The following DPYSL2 variants were observed in gnomAD, a reference collection of about 807,000 sequenced individuals.
DPYSL2 encodes dihydropyrimidinase-related protein 2.
Under a neutral mutation model 69.9 loss-of-function variants are expected in DPYSL2, and 13 were observed. That is an observed-to-expected ratio of 0.19 (90% CI 0.12 to 0.30). The LOEUF is 0.30. DPYSL2 is among the 10% of genes least tolerant of loss of function. The probability of loss-of-function intolerance (pLI) is 1.00; values close to 1 mark genes in which losing one functional copy is unlikely to be tolerated. For missense variants in DPYSL2, 587 were observed against 918.9 expected, an observed-to-expected ratio of 0.64 and a Z score of 4.67; for synonymous variants, 326 against 359.1, an observed-to-expected ratio of 0.91 and a Z score of 1.04.
At chr8:26,546,921 C>CAAAAAAAAAAAAAAAAAAAAAAAAAAAAA (rs61360009) in intron 1 of DPYSL2, among the ~76,000 whole-genome samples, 1 of 46,206 alleles carries the variant, frequency 2.2e-5, no homozygotes, top group African/African-American at 1.1e-4. Context: ...GACTCAGTCT[C>CAAAAAAAAAAAAAAAAAAAAAAAAAAAAA]AAAAAAAAAA....
rs550254908 is a variant in DPYSL2 at position 26,617,498 on chromosome 8, A to G, written c.629-6645A>G. ...TGCCAGAGCGAGACGCCTTCTCAAC[A>G]AAAGAAAAAGGATAAAAGAAAAAAA... is the stretch of plus-strand genomic sequence containing the variant. On this transcript the variant is annotated intron_variant, in intron 3 of 13. Transcript: ENST00000521913. This position sits in a 1 kb window ranked among gnomAD's most constrained non-coding sequence, Gnocchi z 4.7. Among the ~76,000 whole-genome samples, 3 of 152,348 alleles carry G rather than the reference A, an allele frequency of 2.0e-5. No individual in the cohort carries two copies. The highest frequency in any genetic ancestry group is 7.2e-5 in the African/African-American group (3 of 41,566).
chr8:26,655,998 C>T lies in DPYSL2; in HGVS notation c.*292C>T. ...CCCAACACTTAGACATGCGAACAAG[C>T]AGCCCCCAGCGAGGGTCTCCTTCGC... On this transcript the variant is annotated 3_prime_UTR_variant, in exon 14 of 14. Transcript: ENST00000521913. 1 of 297,504 alleles carries T rather than the reference C, an allele frequency of 3.4e-6. No individual in the cohort carries two copies. The allele number at this position is 297,504 out of a possible 1,614,324, so 18.4% of individuals were successfully genotyped here. A position where few individuals can be genotyped will look rare whatever the true frequency, so the allele number is the denominator to read the frequency against.
intron 7 of DPYSL2, among the ~76,000 whole-genome samples, chr8:26,632,854 A>C (rs1802810848): frequency 6.6e-6 from 1 of 152,190 alleles, no homozygotes; most frequent in South Asian, 2.1e-4. Flanking sequence ...AGGAATGAAA[A>C]ACATTTGGGT....
chr8:26,554,611 T>C (rs574306347), intron 1 of DPYSL2, among the ~76,000 whole-genome samples: 1 of 152,304 alleles, frequency 6.6e-6, no homozygotes, highest in South Asian at 2.1e-4. Context: ...TCCAGAATGG[T>C]GTTGTATAGG....
chr8:26,642,226 G>A lies in DPYSL2; in HGVS notation c.1127-1213G>A, dbSNP rs932234527. Among the ~76,000 whole-genome samples the A allele has an allele frequency of 6.6e-6, 1 of 152,208 alleles. No individual in the cohort carries two copies. The highest frequency in any genetic ancestry group is 1.5e-5 in the Non-Finnish European group (1 of 68,030). ...CAGGCAGGTAAATGATCTTCAAGGT[G>A]TCTCCATCAGGTGGAAAGTCAAAAA... On this transcript the variant is annotated intron_variant, in intron 8 of 13. Coordinates refer to ENST00000521913, the MANE Select transcript of DPYSL2 (RefSeq NM_001197293.3). The surrounding 1 kb of genome is among the most constrained non-coding windows in gnomAD (Gnocchi z 5.3).
rs1268576504 is a variant in DPYSL2 at position 26,650,798 on chromosome 8, C to G, written c.1597-1459C>G. On this transcript the variant is annotated intron_variant, in intron 11 of 13. Coordinates refer to ENST00000521913, the MANE Select transcript of DPYSL2 (RefSeq NM_001197293.3). The surrounding 1 kb of genome is among the most constrained non-coding windows in gnomAD (Gnocchi z 5.3). ...ATTGGTTGCCAAGAGGGAAAAATGT[C>G]TCCCCCAAGAATTGGAACTGGAAGT... Among the ~76,000 whole-genome samples the G allele has an allele frequency of 1.3e-5, 2 of 152,168 alleles. No individual in the cohort carries two copies. Among genetic ancestry groups the G allele is most frequent in the Non-Finnish European group, 2.9e-5 (2 of 68,032 alleles).
At position 26,598,684 on chromosome 8, in the gene DPYSL2, G is replaced by C. The variant is rs1184925723; in HGVS notation, c.628+14701G>C. On this transcript the variant is annotated intron_variant, in intron 3 of 13. Transcript: ENST00000521913. This position sits in a 1 kb window ranked among gnomAD's most constrained non-coding sequence, Gnocchi z 4.2. ...ACTTTGAAATAAAGATTGGCTCGCA[G>C]GGCAGGTTGAAGCTTCAACACCAAA... Among the ~76,000 whole-genome samples, 3 of 152,200 alleles carry C rather than the reference G, an allele frequency of 2.0e-5. No individual in the cohort carries two copies. The highest frequency in any genetic ancestry group is 4.1e-4 in the South Asian group (2 of 4,834).
intron 3 of DPYSL2, among the ~76,000 whole-genome samples, chr8:26,594,497 T>A (rs1409642084): frequency 6.6e-6 from 1 of 152,208 alleles, no homozygotes; most frequent in Non-Finnish European, 1.5e-5. Flanking sequence ...ATCTAATCTA[T>A]CTATATATTG....
Position 26,655,762 on chromosome 8 carries a change from C to A in DPYSL2, c.*56C>A. 6 of 1,267,174 alleles carry A rather than the reference C, an allele frequency of 4.7e-6. No homozygotes were observed. Among genetic ancestry groups the A allele is most frequent in the Non-Finnish European group, 6.5e-6 (6 of 928,822 alleles). The allele number at this position is 1,267,174 out of a possible 1,614,324, so 78.5% of individuals were successfully genotyped here. A position where few individuals can be genotyped will look rare whatever the true frequency, so the allele number is the denominator to read the frequency against. On this transcript the variant is annotated 3_prime_UTR_variant, in exon 14 of 14. Coordinates refer to ENST00000521913, the MANE Select transcript of DPYSL2 (RefSeq NM_001197293.3). ...TGGGGATGGGACACCTGAGGACATTCTGAGACTTCTTTCTTCCTTCCTTTT... is the reference window on the plus strand; with the variant it reads ...TGGGGATGGGACACCTGAGGACATTATGAGACTTCTTTCTTCCTTCCTTTT...
chr8:26,578,050 A>T, intron 1 of DPYSL2: 1 of 1,426,110 alleles, frequency 7.0e-7, no homozygotes, highest in Non-Finnish European at 9.1e-7. Context: ...GCTGTGTTGG[A>T]GGAGAGGAAG....
At chr8:26,603,505 A>C (rs1231992898) in intron 3 of DPYSL2, among the ~76,000 whole-genome samples, 8 of 152,218 alleles carry the variant, frequency 5.3e-5, no homozygotes, top group Admixed American at 4.6e-4. Flanking sequence ...AGCATACATA[A>C]CACAAATTTT....
intron 3 of DPYSL2, among the ~76,000 whole-genome samples, chr8:26,589,143 C>T (rs927329148): frequency 3.3e-5 from 5 of 152,234 alleles, no homozygotes; most frequent in African/African-American, 1.2e-4. Flanking sequence ...CCTATTCCTG[C>T]TGCCCCAGCC....
rs1421592613 is a variant in DPYSL2 at position 26,647,595 on chromosome 8, G to T, written c.1426-35G>T. 6.4e-7 allele frequency: 1 copy of T among 1,568,610 alleles called. No homozygotes were observed. The highest frequency in any genetic ancestry group is 2.0e-5 in the Admixed American group (1 of 51,114). The stretch of plus-strand genomic sequence containing the variant: ...TAACTTTTTAACTCGTTTCTGCTGT[G>T]TGCCTCCTGTGCACACCTATGCTGT... On this transcript the variant is annotated intron_variant, in intron 10 of 13. Coordinates refer to ENST00000521913, the MANE Select transcript of DPYSL2 (RefSeq NM_001197293.3). This position sits in a 1 kb window ranked among gnomAD's most constrained non-coding sequence, Gnocchi z 5.1.
chr8:26,578,006 TC>T, intron 1 of DPYSL2: 1 of 1,375,264 alleles, frequency 7.3e-7, no homozygotes, highest in East Asian at 3.0e-5. Flanking sequence ...TCTCTCTCTC[TC>T]TCTCTCTCTC....
intron 3 of DPYSL2, among the ~76,000 whole-genome samples, chr8:26,594,510 ATATATCTATCTGGTC>A (rs1459501738): frequency 6.6e-6 from 1 of 152,188 alleles, no homozygotes; most frequent in Admixed American, 6.5e-5. Flanking sequence ...ATATATTGAT[ATATATCTATCTGGTC>A]TATATCTATC....
chr8:26,589,486 G>A (rs1259096440), intron 3 of DPYSL2, among the ~76,000 whole-genome samples: 2 of 152,240 alleles, frequency 1.3e-5, no homozygotes, highest in Non-Finnish European at 2.9e-5. Flanking sequence ...ATACACTGAC[G>A]ATACTTGATA....
chr8:26,631,855 C>T (rs1172998630), intron 7 of DPYSL2, among the ~76,000 whole-genome samples: 1 of 152,198 alleles, frequency 6.6e-6, no homozygotes, highest in Non-Finnish European at 1.5e-5. Context: ...CTGACGTCTC[C>T]TCTCATGGTG....
chr8:26,571,527 G>A lies in DPYSL2; in HGVS notation c.355-10442G>A, dbSNP rs891866064. ...CACCCAGAGAATGAGGTGCAGGGTG[G>A]GCATTGCAGGAGTTCTTCAGGAGGT... On this transcript the variant is annotated intron_variant, in intron 1 of 13. Coordinates refer to ENST00000521913, the MANE Select transcript of DPYSL2 (RefSeq NM_001197293.3). This position sits in a 1 kb window ranked among gnomAD's most constrained non-coding sequence, Gnocchi z 6.1. Among the ~76,000 whole-genome samples, 2 of 152,128 alleles carry A rather than the reference G, an allele frequency of 1.3e-5. No homozygotes were observed. The highest frequency in any genetic ancestry group is 4.8e-5 in the African/African-American group (2 of 41,414).
At chr8:26,568,261 A>T (rs966255224) in intron 1 of DPYSL2, among the ~76,000 whole-genome samples, 1 of 152,156 alleles carries the variant, frequency 6.6e-6, no homozygotes, top group Non-Finnish European at 1.5e-5. Context: ...GCCCAAGCCT[A>T]GGTAGAGGGG....
Sources: gnomAD v4.1 joint callset for allele counts (sites outside exome capture counted in the v4.1 genomes callset) on GRCh38, gnomAD v4.1.1 for gene constraint, Gnocchi (gnomAD v3.1) non-coding constraint, MANE v1.5 for transcripts, NCBI Gene and HGNC (gene_info 2026-07-23, HGNC 2026-07-21) for gene names.